The following PTPRM variants were observed in gnomAD, a reference collection of about 807,000 sequenced individuals.
The protein encoded by PTPRM is receptor-type tyrosine-protein phosphatase mu.
In PTPRM, 47 loss-of-function variants were observed where a neutral mutation model predicts 186.7. The ratio of observed to expected loss-of-function variants is 0.25; its 90% confidence interval spans 0.20 to 0.32. The LOEUF is 0.32. Among genes scored for constraint, PTPRM ranks in the 10% least tolerant of loss-of-function variants. The pLI is 1.00. For missense variants in PTPRM, 1,494 were observed against 1,865.0 expected (o/e 0.80, Z 3.66); for synonymous variants, 668 against 674.9 (o/e 0.99, Z 0.16).
chr18:8,280,274 A>T (rs1224621388), intron 19 of PTPRM, among the ~76,000 whole-genome samples: 1 of 152,006 alleles, frequency 6.6e-6, no homozygotes, highest in Non-Finnish European at 1.5e-5. Flanking sequence ...CACCAGTCAT[A>T]TTGGATTAGG....
intron 1 of PTPRM, among the ~76,000 whole-genome samples, chr18:7,739,707 C>T (rs183819104): frequency 9.9e-5 from 15 of 150,824 alleles, no homozygotes; most frequent in Admixed American, 5.9e-4. Flanking sequence ...GTCTTATGGG[C>T]CTGCTCCTTG....
intron 1 of PTPRM, among the ~76,000 whole-genome samples, chr18:7,765,130 A>G (rs929907424): frequency 1.3e-5 from 2 of 152,222 alleles, no homozygotes; most frequent in African/African-American, 4.8e-5. Context: ...AAATTTTACT[A>G]TCAATAAGAA....
intron 5 of PTPRM, among the ~76,000 whole-genome samples, chr18:7,945,672 T>C (rs1039614173): frequency 6.6e-6 from 1 of 152,214 alleles, no homozygotes; most frequent in Non-Finnish European, 1.5e-5. Context: ...GGCAGTTCAT[T>C]GCTCTGTATT....
At chr18:7,939,626 C>T (rs559800181) in intron 5 of PTPRM, among the ~76,000 whole-genome samples, 1 of 152,186 alleles carries the variant, frequency 6.6e-6, no homozygotes, top group South Asian at 2.1e-4. Context: ...CAGGCATCAT[C>T]ATTATGGTTA....
At chr18:8,176,369 C>T (rs982117105) in intron 14 of PTPRM, among the ~76,000 whole-genome samples, 7 of 152,200 alleles carry the variant, frequency 4.6e-5, no homozygotes, top group Non-Finnish European at 8.8e-5. Context: ...TGCCTGAAGG[C>T]AGGGAGTTGG....
chr18:7,629,482 A>G (rs774015080), intron 1 of PTPRM, among the ~76,000 whole-genome samples: 5 of 152,174 alleles, frequency 3.3e-5, no homozygotes, highest in African/African-American at 4.8e-5. Context: ...TCAACACAAT[A>G]GGGGACCTGT....
At chr18:7,991,306 TGAG>T (rs1308945108) in intron 7 of PTPRM, among the ~76,000 whole-genome samples, 3 of 152,154 alleles carry the variant, frequency 2.0e-5, no homozygotes, top group Non-Finnish European at 4.4e-5. Context: ...TTTAACCACC[TGAG>T]GATTGTAGTG....
intron 2 of PTPRM, chr18:7,815,587 G>A (rs969684395): frequency 3.9e-5 from 6 of 152,290 alleles, no homozygotes; most frequent in African/African-American, 1.4e-4. Flanking sequence ...GTAGGTTGAG[G>A]TGGAAAGATC....
chr18:7,750,128 G>T (rs913692623), intron 1 of PTPRM, among the ~76,000 whole-genome samples: 1 of 152,052 alleles, frequency 6.6e-6, no homozygotes, highest in African/African-American at 2.4e-5. Context: ...AGGAATTACA[G>T]GATAGTGTTG....
intron 1 of PTPRM, among the ~76,000 whole-genome samples, chr18:7,683,163 A>ATTT (rs761087539): frequency 0.021 from 2,643 of 123,318 alleles, 137 homozygotes; most frequent in African/African-American, 0.079. Context: ...TTGGCTTGCC[A>ATTT]TTTTTTTTTT....
chr18:7,946,077 G>A (rs1224358025), intron 5 of PTPRM, among the ~76,000 whole-genome samples: 2 of 152,162 alleles, frequency 1.3e-5, no homozygotes, highest in Non-Finnish European at 2.9e-5. Flanking sequence ...CTCCTAGTCC[G>A]AGGCTGTTTA....
At chr18:8,049,710 G>GTTTTTT (rs371227331) in intron 7 of PTPRM, among the ~76,000 whole-genome samples, 3 of 145,978 alleles carry the variant, frequency 2.1e-5, no homozygotes, top group African/African-American at 2.5e-5. Context: ...AGTCTGTGAG[G>GTTTTTT]TTTTTTTTTT....
At chr18:7,845,233 A>G (rs901317210) in intron 2 of PTPRM, among the ~76,000 whole-genome samples, 8 of 152,308 alleles carry the variant, frequency 5.3e-5, no homozygotes, top group African/African-American at 1.9e-4. Context: ...ATGCATTCCA[A>G]AATTACTTTT....
intron 1 of PTPRM, among the ~76,000 whole-genome samples, chr18:7,722,636 T>G (rs553209084): frequency 7.3e-6 from 1 of 137,240 alleles, no homozygotes; most frequent in South Asian, 2.6e-4. Context: ...AGTGGCAACA[T>G]AAAAACTTTC....
At chr18:7,767,270 C>T (rs1020543462) in intron 1 of PTPRM, among the ~76,000 whole-genome samples, 28 of 152,094 alleles carry the variant, frequency 1.8e-4, no homozygotes, top group South Asian at 4.1e-4. Flanking sequence ...TCTAGAACCT[C>T]CTTTTAGAAC....
At chr18:8,381,415 G>A (rs1386558980) in intron 29 of PTPRM, among the ~76,000 whole-genome samples, 1 of 150,798 alleles carries the variant, frequency 6.6e-6, no homozygotes, top group African/African-American at 2.4e-5. Flanking sequence ...TGGACATGAT[G>A]GCAAGATTTT....
chr18:8,084,620 C>T (rs72909813), intron 9 of PTPRM, among the ~76,000 whole-genome samples: 9,333 of 152,166 alleles, frequency 0.061, 412 homozygotes, highest in South Asian at 0.098. Flanking sequence ...ATTATCACTT[C>T]GTATAATAAC....
intron 7 of PTPRM, among the ~76,000 whole-genome samples, chr18:7,961,023 ATATATTTATGAGG>A (rs2053645716): frequency 6.6e-6 from 1 of 152,210 alleles, no homozygotes; most frequent in Admixed American, 6.5e-5. Context: ...TAGTAGGTGT[ATATATTTATGAGG>A]TACACGAAAT....
intron 5 of PTPRM, among the ~76,000 whole-genome samples, chr18:7,941,804 T>C (rs2146964166): frequency 1.3e-5 from 2 of 152,350 alleles, no homozygotes; most frequent in East Asian, 3.9e-4. Context: ...TCCACAGAGC[T>C]ATCATAGGAG....
Sources: gnomAD v4.1 joint callset for allele counts (sites outside exome capture counted in the v4.1 genomes callset) on GRCh38, gnomAD v4.1.1 for gene constraint, MANE v1.5 for transcripts, NCBI Gene and HGNC (gene_info 2026-07-23, HGNC 2026-07-21) for gene names.